Variants in CSGALNACT1 observed in about 807,000 individuals in gnomAD.
The protein encoded by CSGALNACT1 is beta4GalNAcT-1.
Under a neutral mutation model 51.0 loss-of-function variants are expected in CSGALNACT1, and 52 were observed. The ratio of observed to expected loss-of-function variants is 1.02; its 90% CI spans 0.82 to 1.29. The LOEUF is 1.29. Ranked by LOEUF, CSGALNACT1 falls within the 50% of genes most tolerant of loss-of-function variation. The pLI, the probability that CSGALNACT1 is intolerant of heterozygous loss-of-function variation, is 0.00. For missense variants in CSGALNACT1, 935 were observed against 679.2 expected (o/e 1.38, Z -4.19); for synonymous variants, 341 against 254.4 (o/e 1.34, Z -3.24).
chr8:19,589,447 T>C (rs1174202495), intron 3 of CSGALNACT1, among the ~76,000 whole-genome samples: 10 of 152,196 alleles, frequency 6.6e-5, no homozygotes, highest in Non-Finnish European at 1.5e-5. Context: ...TGCCTAAGCC[T>C]CCTGAGTAGC....
rs149678249 is a variant in CSGALNACT1 at position 19,626,219 on chromosome 8, A to C, written c.-543-24354T>G. ...CACAGCATGGTATTTGCAGAGAAAAAGGTCCATAGATCAATGGAACAGATT... is the reference window on the plus strand; with the variant it reads ...CACAGCATGGTATTTGCAGAGAAAACGGTCCATAGATCAATGGAACAGATT... On this transcript the variant is annotated intron_variant, in intron 1 of 9. Coordinates refer to the CSGALNACT1 transcript ENST00000332246. 2.6e-3 allele frequency among the ~76,000 whole-genome samples: 394 copies of C among 152,340 alleles called. 7 individuals carry two copies. Among genetic ancestry groups the C allele is most frequent in the East Asian group, 0.018 (95 of 5,186 alleles).
At chr8:19,508,395 G>T (rs1414516742) in intron 3 of CSGALNACT1, among the ~76,000 whole-genome samples, 1 of 152,148 alleles carries the variant, frequency 6.6e-6, no homozygotes, top group African/African-American at 2.4e-5. Flanking sequence ...TCAGCCCAAG[G>T]ATTCTCTCTA....
rs2086254778 is a variant in CSGALNACT1 at position 19,545,501 on chromosome 8, GA to G, written c.-296-39372del. 2.6e-5 allele frequency among the ~76,000 whole-genome samples: 4 copies of G among 152,208 alleles called. No homozygotes were observed. In the South Asian group the frequency reaches 8.3e-4, roughly 32 times the overall value. The stretch of plus-strand genomic sequence containing the variant: ...ACATGATCATTGATTTCTGTCAGAT[GA>G]AAAAGCAGATGGCAAGTGTCCTGAT... On this transcript the variant is annotated intron_variant, in intron 3 of 9. Transcript: ENST00000454498.
chr8:19,571,704 A>G (rs1418212063), intron 3 of CSGALNACT1, among the ~76,000 whole-genome samples: 1 of 152,234 alleles, frequency 6.6e-6, no homozygotes, highest in Non-Finnish European at 1.5e-5. Context: ...TTTCCCAGCC[A>G]AAGCCCACTG....
At chr8:19,633,724 T>C in intron 1 of CSGALNACT1, among the ~76,000 whole-genome samples, 1 of 152,212 alleles carries the variant, frequency 6.6e-6, no homozygotes, top group East Asian at 1.9e-4. Flanking sequence ...TCCAGGACTG[T>C]GAGACGGTAA....
chr8:19,519,788 C>G (rs1316013988), intron 3 of CSGALNACT1, among the ~76,000 whole-genome samples: 1 of 152,176 alleles, frequency 6.6e-6, no homozygotes, highest in African/African-American at 2.4e-5. Flanking sequence ...CTCCCTTCTC[C>G]CAGGGGTGGC....
intron 4 of CSGALNACT1, among the ~76,000 whole-genome samples, chr8:19,461,966 C>G (rs976436068): frequency 6.6e-6 from 1 of 152,142 alleles, no homozygotes; most frequent in Admixed American, 6.5e-5. Flanking sequence ...CCGCATTCAC[C>G]ATGGACAGGA....
intron 1 of CSGALNACT1, among the ~76,000 whole-genome samples, chr8:19,726,072 A>C (rs1472967668): frequency 6.6e-6 from 1 of 152,324 alleles, no homozygotes; most frequent in South Asian, 2.1e-4. Flanking sequence ...CTCTGTGGCC[A>C]TATTACCTAG....
intron 1 of CSGALNACT1, among the ~76,000 whole-genome samples, chr8:19,628,560 A>G (rs956971061): frequency 3.2e-4 from 49 of 152,332 alleles, no homozygotes; most frequent in African/African-American, 1.0e-3. Context: ...AGAAAATTTA[A>G]GTGAATTGAG....
intron 9 of CSGALNACT1, among the ~76,000 whole-genome samples, chr8:19,407,986 G>A (rs1021353794): frequency 6.6e-6 from 1 of 151,906 alleles, no homozygotes; most frequent in Non-Finnish European, 1.5e-5. Context: ...AGAGCTTAAA[G>A]TGACATTTGG....
intron 1 of CSGALNACT1, among the ~76,000 whole-genome samples, chr8:19,673,629 A>C (rs1383074083): frequency 1.3e-5 from 2 of 152,212 alleles, no homozygotes; most frequent in African/African-American, 4.8e-5. Context: ...CAAGCAACCC[A>C]GTTCCAGTAG....
At chr8:19,648,407 C>A (rs1057180585) in intron 1 of CSGALNACT1, among the ~76,000 whole-genome samples, 1 of 152,152 alleles carries the variant, frequency 6.6e-6, no homozygotes, top group African/African-American at 2.4e-5. Flanking sequence ...AAAATTAGAG[C>A]CTACACTTTG....
At chr8:19,595,155 T>C (rs1197352130) in intron 2 of CSGALNACT1, among the ~76,000 whole-genome samples, 1 of 152,224 alleles carries the variant, frequency 6.6e-6, no homozygotes, top group East Asian at 1.9e-4. Flanking sequence ...ATTTTACTAA[T>C]AAAATTTTAA....
upstream of CSGALNACT1, chr8:19,682,613 G>A (rs976225364): frequency 2.2e-5 from 10 of 453,856 alleles, no homozygotes; most frequent in African/African-American, 1.8e-4. Flanking sequence ...TGGGACTTCA[G>A]AGCCCAAAGA....
At chr8:19,681,177 C>A (rs2060589333) in intron 1 of CSGALNACT1, among the ~76,000 whole-genome samples, 1 of 152,098 alleles carries the variant, frequency 6.6e-6, no homozygotes, top group South Asian at 2.1e-4. Context: ...AAAGCATCTC[C>A]CACCTCCCTG....
chr8:19,467,770 A>C (rs1186073390), intron 4 of CSGALNACT1, among the ~76,000 whole-genome samples: 1 of 152,146 alleles, frequency 6.6e-6, no homozygotes. Context: ...GGATCACTTG[A>C]GCCTAGGAGT....
chr8:19,423,281 T>G, intron 6 of CSGALNACT1, among the ~76,000 whole-genome samples: 1 of 152,174 alleles, frequency 6.6e-6, no homozygotes. Context: ...TTACAAAAGT[T>G]AAATCATGTT....
intron 6 of CSGALNACT1, among the ~76,000 whole-genome samples, chr8:19,427,887 G>T (rs929654659): frequency 1.3e-5 from 2 of 152,178 alleles, no homozygotes; most frequent in East Asian, 3.8e-4. Context: ...TGTGCACAAG[G>T]CAAGTGAGGA....
intron 1 of CSGALNACT1, among the ~76,000 whole-genome samples, chr8:19,618,641 AAAAAAAAAAAAAAAAGAAAGAAAG>A (rs1434470817): frequency 6.9e-6 from 1 of 144,032 alleles, no homozygotes; most frequent in Non-Finnish European, 1.5e-5. Context: ...AAAAAAAAAA[AAAAAAAAAAAAAAAAGAAAGAAAG>A]AAAGAAAGAA....
Sources: gnomAD v4.1 joint callset for allele counts (sites outside exome capture counted in the v4.1 genomes callset) on GRCh38, gnomAD v4.1.1 for gene constraint, MANE v1.5 for transcripts, NCBI Gene and HGNC (gene_info 2026-07-23, HGNC 2026-07-21) for gene names.